The following UNC5B variants were observed in gnomAD, a reference collection of about 807,000 sequenced individuals.
UNC5B encodes the protein netrin receptor UNC5B.
A neutral mutation model predicts 103.7 loss-of-function variants in UNC5B; 56 were observed. The ratio of observed to expected loss-of-function variants is 0.54; its 90% CI spans 0.44 to 0.67. The LOEUF (loss-of-function observed/expected upper bound fraction) is 0.67. Ranked by LOEUF, UNC5B falls within the 30% of genes least tolerant of loss-of-function variation. UNC5B has a pLI of 0.00. For missense variants in UNC5B, 1,194 were observed against 1,284.5 expected (o/e 0.93, Z 1.08); for synonymous variants, 577 against 542.0 (o/e 1.06, Z -0.90).
intron 15 of UNC5B, among the ~76,000 whole-genome samples, chr10:71,297,346 T>C (rs1347665292): frequency 6.6e-6 from 1 of 152,260 alleles, no homozygotes; most frequent in Non-Finnish European, 1.5e-5. Context: ...GGCAAGGATT[T>C]GCACACAGTA....
chr10:71,271,630 T>C (rs1022108533), intron 1 of UNC5B, among the ~76,000 whole-genome samples: 10 of 152,166 alleles, frequency 6.6e-5, no homozygotes, highest in African/African-American at 2.2e-4. Flanking sequence ...GTAAGCAGCG[T>C]GGCCCCCATA....
At chr10:71,268,025 C>A (rs901479510) in intron 1 of UNC5B, among the ~76,000 whole-genome samples, 7 of 152,234 alleles carry the variant, frequency 4.6e-5, no homozygotes, top group Non-Finnish European at 2.9e-5. Context: ...CTCCCCGGGG[C>A]CCATGGAACC....
chr10:71,286,275 C>T (rs1385572838), intron 4 of UNC5B, among the ~76,000 whole-genome samples: 1 of 152,204 alleles, frequency 6.6e-6, no homozygotes, highest in East Asian at 1.9e-4. Context: ...TATCACCTCC[C>T]AGGCTTTTCT....
At chr10:71,296,078 T>A in intron 14 of UNC5B, 118 bp downstream of exon 14, 1 of 1,398,850 alleles carries the variant, frequency 7.1e-7, no homozygotes, top group Non-Finnish European at 9.7e-7. Context: ...TCCCTGGATC[T>A]CTCACTGTCT....
At position 71,213,058 on chromosome 10, in the gene UNC5B, C is replaced by A; in HGVS notation, c.73C>A (p.Gln25Lys). 7.2e-7 allele frequency: 1 copy of A among 1,397,030 alleles called. No homozygotes were observed. Among genetic ancestry groups the A allele is most frequent in the Non-Finnish European group, 9.4e-7 (1 of 1,068,540 alleles). 86.5% of individuals were successfully genotyped at this position (1,397,030 alleles called of 1,614,324 possible). The change falls in exon 1 of 17, where the codon CAA (glutamine) becomes AAA (lysine). Residue 25 changes from glutamine to lysine, a missense_variant. Gln to Lys is a moderately conservative substitution (Grantham distance 53, BLOSUM62 1). Transcript: ENST00000335350. The surrounding 1 kb of genome is among the most constrained non-coding windows in gnomAD (Gnocchi z 4.1). Reference protein sequence around the residue: ...LLLCWDPRLSQAGTDSGSEVL... With the variant: ...LLLCWDPRLSKAGTDSGSEVL... ...GCTCTGCTGGGACCCGAGGCTGAGC[C>A]AAGCAGGTAGGAAGCGATCGGGTCT...
intron 1 of UNC5B, among the ~76,000 whole-genome samples, chr10:71,231,669 TGCCTG>T (rs1202786325): frequency 1.3e-5 from 2 of 151,914 alleles, no homozygotes; most frequent in African/African-American, 4.8e-5. Flanking sequence ...TTAATGCACA[TGCCTG>T]GCCTTTACCC....
rs3059586 is a variant in UNC5B at position 71,269,343 on chromosome 10, T to TC, written c.80-10469dup. On this transcript the variant is annotated intron_variant, in intron 1 of 16. Coordinates refer to ENST00000335350, the MANE Select transcript of UNC5B (RefSeq NM_170744.5). ...AAAAAAAAAGTTTAGAAAAATGAAG[T>TC]CCCCCCCCCACAACTTCTCCTTTCC... is the stretch of plus-strand genomic sequence containing the variant. Among the ~76,000 whole-genome samples, 1,105 of 130,408 alleles carry TC rather than the reference T, an allele frequency of 8.5e-3. 21 individuals are homozygous for TC. The highest frequency in any genetic ancestry group is 0.026 in the African/African-American group (930 of 36,116). 85.6% of individuals were successfully genotyped at this position (130,408 alleles called of 152,430 possible).
intron 1 of UNC5B, among the ~76,000 whole-genome samples, chr10:71,216,730 C>T (rs1049820797): frequency 7.9e-5 from 12 of 152,188 alleles, no homozygotes; most frequent in African/African-American, 2.2e-4. Context: ...AGGCTTAAGA[C>T]GAGGTCTGCC....
At chr10:71,268,474 GCTGGAGGTGAAGGGTCCCCGA>G (rs1161428736) in intron 1 of UNC5B, among the ~76,000 whole-genome samples, 87 of 152,164 alleles carry the variant, frequency 5.7e-4, no homozygotes, top group African/African-American at 2.0e-3. Flanking sequence ...AGGGTCCCCA[GCTGGAGGTGAAGGGTCCCCGA>G]CTGGAGGTGA....
chr10:71,300,956 C>CCA lies in UNC5B; in HGVS notation c.*1679_*1680insCA, dbSNP rs1357885073. On this transcript the variant is annotated 3_prime_UTR_variant, in exon 17 of 17. Coordinates refer to ENST00000335350, the MANE Select transcript of UNC5B (RefSeq NM_170744.5). ...ACAGCACATACCACCCCCACCCAAC[C>CCA]TGTTCGAGGGGCCCTGCATGGCACG... 1 of 152,520 alleles carries CCA rather than the reference C, an allele frequency of 6.6e-6. No homozygotes were observed. The highest frequency in any genetic ancestry group is 1.5e-5 in the Non-Finnish European group (1 of 68,286). 9.4% of individuals were successfully genotyped at this position (152,520 alleles called of 1,614,324 possible).
chr10:71,289,697 G>A (rs1330932987), intron 8 of UNC5B, among the ~76,000 whole-genome samples: 1 of 152,266 alleles, frequency 6.6e-6, no homozygotes. Flanking sequence ...AGTGGCCCCA[G>A]TGTCAGTGAA....
chr10:71,292,671 T>G, intron 11 of UNC5B, 117 bp downstream of exon 11: 2 of 854,860 alleles, frequency 2.3e-6, no homozygotes, highest in Non-Finnish European at 3.7e-6. Context: ...AAGGAAAGTA[T>G]TAATCTTACT....
chr10:71,232,997 T>G (rs550068270), intron 1 of UNC5B, among the ~76,000 whole-genome samples: 23 of 152,344 alleles, frequency 1.5e-4, no homozygotes, highest in African/African-American at 5.5e-4. Context: ...CAGCTGTGTC[T>G]GCACCTGATG....
chr10:71,262,321 G>A (rs555991375), intron 1 of UNC5B, among the ~76,000 whole-genome samples: 1 of 151,946 alleles, frequency 6.6e-6, no homozygotes, highest in South Asian at 2.1e-4. Context: ...GAGTGGGTTG[G>A]GGGAGGGAGA....
intron 16 of UNC5B, among the ~76,000 whole-genome samples, chr10:71,298,638 A>T (rs756886850): frequency 6.6e-6 from 1 of 152,216 alleles, no homozygotes; most frequent in Admixed American, 6.5e-5. Flanking sequence ...TATGCTTTAG[A>T]TAAGACATTT....
At chr10:71,231,164 GC>G (rs1843675145) in intron 1 of UNC5B, among the ~76,000 whole-genome samples, 1 of 152,186 alleles carries the variant, frequency 6.6e-6, no homozygotes, top group Non-Finnish European at 1.5e-5. Context: ...TAGCCCAGCA[GC>G]CTATAGAATT....
rs1328711149 is a variant in UNC5B at position 71,212,991 on chromosome 10, G to T, written c.6G>T (p.Gly2=). ...CCGAACCAGGCCGCGGGAGCATGGG[G>T]GCCCGGAGCGGAGCTCGGGGCGCGC... M[G]ARSGARGALL... The change falls in exon 1 of 17, where the codon GGG becomes GGT. Residue 2 remains glycine (G), a synonymous_variant. Transcript: ENST00000335350. The T allele has an allele frequency of 7.2e-7, 1 of 1,395,884 alleles. No individual in the cohort carries two copies. The highest frequency in any genetic ancestry group is 2.7e-5 in the Admixed American group (1 of 37,156). 86.5% of individuals were successfully genotyped at this position (1,395,884 alleles called of 1,614,324 possible).
chr10:71,275,111 C>T (rs1166128134), intron 1 of UNC5B, among the ~76,000 whole-genome samples: 1 of 152,218 alleles, frequency 6.6e-6, no homozygotes, highest in Non-Finnish European at 1.5e-5. Flanking sequence ...CTTTCGTGTC[C>T]TTCATTTGAC....
At chr10:71,294,034 T>G in intron 13 of UNC5B, 101 bp downstream of exon 13, 1 of 1,079,632 alleles carries the variant, frequency 9.3e-7, no homozygotes. Context: ...CAGGAACCCC[T>G]CCCCGCCACC....
Sources: allele counts gnomAD v4.1 joint callset (sites outside exome capture counted in the v4.1 genomes callset), GRCh38; gene constraint gnomAD v4.1.1; non-coding constraint Gnocchi (gnomAD v3.1); transcripts MANE v1.5; gene names NCBI Gene and HGNC (gene_info 2026-07-23, HGNC 2026-07-21).